Variants in IAH1 observed in about 807,000 individuals in gnomAD.
IAH1 encodes the protein isoamyl acetate-hydrolyzing esterase 1 homolog.
IAH1 carries 24 observed loss-of-function variants against 26.7 expected under a neutral mutation model. That is an observed-to-expected ratio of 0.90 (90% CI 0.65 to 1.26). IAH1 has a LOEUF of 1.26. IAH1 is among the 50% of genes most tolerant of loss of function. The pLI, the probability that IAH1 is intolerant of heterozygous loss-of-function variation, is 0.00. For missense variants in IAH1, 300 were observed against 299.9 expected (o/e 1.00, Z 0.00); for synonymous variants, 140 against 118.5 (o/e 1.18, Z -1.18).
chr2:9,484,486 T>C lies in IAH1; in HGVS notation c.500T>C (p.Leu167Ser). 6.2e-7 allele frequency: 1 copy of C among 1,614,198 alleles called. No individual in the cohort carries two copies. The highest frequency in any genetic ancestry group is 8.5e-7 in the Non-Finnish European group (1 of 1,180,044). ...GTTGGTGAATATGCCAATGCGTGTT[T>C]ACAAGTGGCCCAAGACTGTGGGACT... is the stretch of plus-strand genomic sequence containing the variant. ...SVVGEYANAC[L>S]QVAQDCGTDV... The change falls in exon 5 of 6, where the codon TTA becomes TCA. Residue 167 changes from leucine to serine, a missense_variant. Leu to Ser is a moderately radical substitution (Grantham distance 145, BLOSUM62 -2). Coordinates refer to ENST00000497473, the MANE Select transcript of IAH1 (RefSeq NM_001039613.3).
intron 1 of IAH1, chr2:9,475,013 C>G: frequency 1.8e-6 from 2 of 1,104,404 alleles, no homozygotes; most frequent in Non-Finnish European, 2.2e-6. Context: ...CCGCGGGCGA[C>G]CGCGCGCTGT....
At chr2:9,502,284 A>G in the IAH1 span, 1 of 1,601,692 alleles carries the variant, frequency 6.2e-7, no homozygotes, top group Non-Finnish European at 8.6e-7. Flanking sequence ...TCACTGGAGA[A>G]GAACAGCAGA....
chr2:9,483,169 C>G (rs989698277), intron 4 of IAH1, among the ~76,000 whole-genome samples: 1 of 152,180 alleles, frequency 6.6e-6, no homozygotes, highest in African/African-American at 2.4e-5. Context: ...TAGCCCAATG[C>G]AGACTTTTTA....
chr2:9,484,572 T>C, intron 5 of IAH1, 22 bp downstream of exon 5: 2 of 1,509,620 alleles, frequency 1.3e-6, no homozygotes, highest in Non-Finnish European at 1.8e-6. Context: ...TGCTCGGTCC[T>C]CTCGGGGTAA....
intron 6 of IAH1, among the ~76,000 whole-genome samples, chr2:9,495,565 T>A (rs962426847): frequency 4.5e-4 from 68 of 152,002 alleles, no homozygotes; most frequent in African/African-American, 1.6e-3. Flanking sequence ...ATAAAAAAAA[T>A]TAGCCAGATG....
upstream of IAH1, chr2:9,474,461 G>C (rs1682346433): frequency 5.2e-6 from 3 of 572,174 alleles, no homozygotes; most frequent in Admixed American, 4.5e-5. This position sits in a 1 kb window ranked among gnomAD's most constrained non-coding sequence, Gnocchi z 4.3. Context: ...CGTCACCAAA[G>C]TGACTGCGTG....
rs1229185867 is a variant in IAH1, at chr2:9,474,894, C to T, written c.81+247C>T. 5.2e-6 allele frequency: 3 copies of T among 578,850 alleles called. No individual in the cohort carries two copies. Among genetic ancestry groups the T allele is most frequent in the African/African-American group, 2.0e-5 (1 of 49,454 alleles). 35.9% of individuals were successfully genotyped at this position (578,850 alleles called of 1,614,324 possible). ...CTCCAGGCACAGACGCGAGGGGACC[C>T]GGCCGCGCTGCCCGCCCCGCGCCGC... On this transcript the variant is annotated intron_variant, in intron 1 of 5. Coordinates refer to ENST00000497473, the MANE Select transcript of IAH1 (RefSeq NM_001039613.3). The surrounding 1 kb of genome is among the most constrained non-coding windows in gnomAD (Gnocchi z 4.3).
intron 1 of IAH1, chr2:9,475,291 A>G (rs1250901093): frequency 1.9e-6 from 2 of 1,025,830 alleles, no homozygotes; most frequent in African/African-American, 3.3e-5. Context: ...TTGCTTCACC[A>G]GGCTTTTGTG....
chr2:9,491,269 G>T, downstream of IAH1: 1 of 851,366 alleles, frequency 1.2e-6, no homozygotes. Context: ...GTTGTAGAAA[G>T]TGATAGCAGG....
chr2:9,502,080 G>T, the IAH1 span: 2 of 1,088,618 alleles, frequency 1.8e-6, no homozygotes, highest in Admixed American at 2.1e-5. Context: ...TAAAAATAAG[G>T]TGTCTCTCAT....
chr2:9,485,258 G>A (rs572262286), intron 5 of IAH1: 1 of 152,472 alleles, frequency 6.6e-6, no homozygotes, highest in Non-Finnish European at 1.5e-5. Context: ...GAACTGACAA[G>A]CGCAGCAACG....
chr2:9,488,418 C>A lies in IAH1; in HGVS notation c.*89C>A. ...GTACGCTTTTTTCCTCAGGCTTAAA[C>A]CTTTGCCACTGATATTAATAATAAA... On this transcript the variant is annotated 3_prime_UTR_variant, in exon 6 of 6. Coordinates refer to ENST00000497473, the MANE Select transcript of IAH1 (RefSeq NM_001039613.3). 1.0e-6 allele frequency: 1 copy of A among 957,902 alleles called. No homozygotes were observed. The highest frequency in any genetic ancestry group is 1.5e-6 in the Non-Finnish European group (1 of 652,430). 59.3% of individuals were successfully genotyped at this position (957,902 alleles called of 1,614,324 possible).
At chr2:9,510,866 C>A in the IAH1 span, among the ~76,000 whole-genome samples, 1 of 151,996 alleles carries the variant, frequency 6.6e-6, no homozygotes, top group African/African-American at 2.4e-5. Flanking sequence ...GATTCTTCTA[C>A]CAATTATATG....
chr2:9,512,046 AG>A, the IAH1 span, among the ~76,000 whole-genome samples: 2 of 151,632 alleles, frequency 1.3e-5, no homozygotes, highest in Non-Finnish European at 2.9e-5. Context: ...TTTTTTCCTA[AG>A]GGGGGGAAAT....
At chr2:9,502,982 T>C in the IAH1 span, among the ~76,000 whole-genome samples, 7 of 139,588 alleles carry the variant, frequency 5.0e-5, no homozygotes, top group South Asian at 2.2e-4. Context: ...CTACTAAAGA[T>C]ACAAAAAATT....
intron 3 of IAH1, 107 bp from the exon 4 acceptor site, chr2:9,481,179 C>T (rs879872481): frequency 1.7e-6 from 2 of 1,163,358 alleles, no homozygotes; most frequent in Non-Finnish European, 1.2e-6. Flanking sequence ...GTTAAACAAT[C>T]CCCCCAGTGA....
At position 9,481,154 on chromosome 2, in the gene IAH1, C is replaced by G. The variant is rs541715480; in HGVS notation, c.284-132C>G. 23 of 953,594 alleles carry G rather than the reference C, an allele frequency of 2.4e-5. No individual in the cohort carries two copies. In the African/African-American group the frequency reaches 3.1e-4, roughly 13 times the overall value. 59.1% of individuals were successfully genotyped at this position (953,594 alleles called of 1,614,324 possible). A position where few individuals can be genotyped will look rare whatever the true frequency, so the allele number is the denominator to read the frequency against. ...TTAATTCATAAGGAGAAAACCTTCT[C>G]TTTGTGTCCTTGGTGTTAAACAATC... On this transcript the variant is annotated intron_variant, in intron 3 of 5. Coordinates refer to ENST00000497473, the MANE Select transcript of IAH1 (RefSeq NM_001039613.3).
downstream of IAH1, chr2:9,492,776 G>T: frequency 1.4e-6 from 1 of 712,930 alleles, no homozygotes; most frequent in Non-Finnish European, 2.2e-6. Context: ...AACAAAAAAA[G>T]CTATTGGAAA....
chr2:9,478,320 TC>T lies in IAH1; in HGVS notation c.236del (p.Pro79GlnfsTer2), dbSNP rs758887081. ...ATCAGGAAAGGAAACAGTTTGGACA[TC>T]CCAGTAGCAGTTACAATTTTCTTTG... is the stretch of plus-strand genomic sequence containing the variant. Reference protein sequence around the residue: ...RLIRKGNSLDIPVAVTIFFGA... With the variant: ...RLIRKGNSLDXPVAVTIFFGA... On this transcript the variant is annotated frameshift_variant, in exon 3 of 6. Coordinates refer to ENST00000497473, the MANE Select transcript of IAH1 (RefSeq NM_001039613.3). LOFTEE classifies it high-confidence loss of function. 3 of 1,613,060 alleles carry T rather than the reference TC, an allele frequency of 1.9e-6. No homozygotes were observed. In the African/African-American group the frequency reaches 4.0e-5, roughly 22 times the overall value.
Sources: allele counts gnomAD v4.1 joint callset (sites outside exome capture counted in the v4.1 genomes callset), GRCh38; gene constraint gnomAD v4.1.1; non-coding constraint Gnocchi (gnomAD v3.1); transcripts MANE v1.5; gene names NCBI Gene and HGNC (gene_info 2026-07-23, HGNC 2026-07-21).